Variants in ZNF423 observed in about 807,000 individuals in gnomAD.
ZNF423 encodes the protein zinc finger protein 423.
A neutral mutation model predicts 95.8 loss-of-function variants in ZNF423; 12 were observed. That is an observed-to-expected ratio of 0.13 (90% CI 0.08 to 0.20). The LOEUF (loss-of-function observed/expected upper bound fraction) is 0.20. Ranked by LOEUF, ZNF423 falls within the 10% of genes least tolerant of loss-of-function variation. ZNF423 has a pLI of 1.00. For synonymous variants in ZNF423, 749 were observed against 711.9 expected (o/e 1.05, Z -0.83); for missense variants, 1,316 against 1,737.1 (o/e 0.76, Z 4.31).
intron 5 of ZNF423, among the ~76,000 whole-genome samples, chr16:49,558,418 C>T (rs1016772660): frequency 1.3e-5 from 2 of 152,166 alleles, no homozygotes; most frequent in African/African-American, 4.8e-5. Flanking sequence ...GTGAGTTGCC[C>T]TGGCAAAGAT....
chr16:49,760,117 G>GTGGGTGGATGAA (rs1214342017), intron 2 of ZNF423, among the ~76,000 whole-genome samples: 9 of 129,200 alleles, frequency 7.0e-5, no homozygotes, highest in Non-Finnish European at 9.8e-5. Context: ...GGATGGATGC[G>GTGGGTGGATGAA]TGGGTGGATG....
chr16:49,638,990 G>A lies in ZNF423; in HGVS notation c.302-116C>T. On this transcript the variant is annotated intron_variant, in intron 3 of 7. Coordinates refer to ENST00000563137, the MANE Select transcript of ZNF423 (RefSeq NM_001379286.1). The surrounding 1 kb of genome is among the most constrained non-coding windows in gnomAD (Gnocchi z 5.6). ...GAGGCTGTGCAGCTGGCCAACGGCT[G>A]CAGGGGGCTGTGGGGAGGGGCAGGG... 1.4e-6 allele frequency: 2 copies of A among 1,448,114 alleles called. No individual in the cohort carries two copies. Among genetic ancestry groups the A allele is most frequent in the Non-Finnish European group, 1.8e-6 (2 of 1,104,006 alleles). The allele number at this position is 1,448,114 out of a possible 1,614,324, so 89.7% of individuals were successfully genotyped here.
At chr16:49,529,101 G>A (rs1030004856) in intron 5 of ZNF423, among the ~76,000 whole-genome samples, 3 of 150,970 alleles carry the variant, frequency 2.0e-5, no homozygotes, top group Non-Finnish European at 2.9e-5. Context: ...GAGTTAAGAC[G>A]CACAATTGCT....
At chr16:49,705,063 A>G (rs1596886839) in intron 3 of ZNF423, among the ~76,000 whole-genome samples, 1 of 152,350 alleles carries the variant, frequency 6.6e-6, no homozygotes, top group South Asian at 2.1e-4. Flanking sequence ...GTTAAATGAC[A>G]GCACGGTGGG....
chr16:49,828,780 C>A (rs757076864), intron 1 of ZNF423, among the ~76,000 whole-genome samples: 13 of 152,250 alleles, frequency 8.5e-5, no homozygotes, highest in Non-Finnish European at 1.8e-4. Flanking sequence ...GAAAGGCCAT[C>A]ATCTGTCCCA....
rs533579240 is a variant in ZNF423, at chr16:49,737,661, A to T, written c.101-6690T>A. Among the ~76,000 whole-genome samples the T allele has an allele frequency of 1.7e-4, 26 of 152,312 alleles. 1 individual carries two copies. The East Asian group carries it at 5.0e-3, about 29-fold the overall frequency. ...TGGGTCCACTGCCAGGAAAAGGGGAACGGGGAGAGGCCCCAGGGGACCAGA... is the reference window on the plus strand; with the variant it reads ...TGGGTCCACTGCCAGGAAAAGGGGATCGGGGAGAGGCCCCAGGGGACCAGA... On this transcript the variant is annotated intron_variant, in intron 2 of 7. Coordinates refer to ENST00000563137, the MANE Select transcript of ZNF423 (RefSeq NM_001379286.1).
chr16:49,783,264 G>T (rs1321704810), intron 2 of ZNF423, among the ~76,000 whole-genome samples: 9 of 149,252 alleles, frequency 6.0e-5, no homozygotes, highest in African/African-American at 2.2e-4. Context: ...GGTGGGAGAG[G>T]GGGTGATTAG....
At chr16:49,724,147 G>T (rs780510794) in intron 3 of ZNF423, among the ~76,000 whole-genome samples, 4 of 152,140 alleles carry the variant, frequency 2.6e-5, no homozygotes, top group African/African-American at 4.8e-5. Flanking sequence ...TAAGAGTAAG[G>T]TCTCTTCTGT....
chr16:49,827,869 G>A (rs962041334), intron 1 of ZNF423, among the ~76,000 whole-genome samples: 2 of 151,966 alleles, frequency 1.3e-5, no homozygotes, highest in Admixed American at 6.6e-5. Flanking sequence ...CCTAACCCTG[G>A]GATTATAGGC....
chr16:49,562,931 G>A (rs1030156253), intron 5 of ZNF423, among the ~76,000 whole-genome samples: 12 of 152,050 alleles, frequency 7.9e-5, no homozygotes, highest in African/African-American at 2.7e-4. Flanking sequence ...GGCACGAAAC[G>A]AGCCACCAAG....
At chr16:49,826,401 G>A (rs1393618911) in intron 1 of ZNF423, among the ~76,000 whole-genome samples, 1 of 152,146 alleles carries the variant, frequency 6.6e-6, no homozygotes, top group Non-Finnish European at 1.5e-5. Flanking sequence ...TACCCAAAAT[G>A]CAGTTAAGGG....
intron 6 of ZNF423, among the ~76,000 whole-genome samples, chr16:49,524,510 C>A (rs1968525929): frequency 6.6e-6 from 1 of 152,018 alleles, no homozygotes; most frequent in African/African-American, 2.4e-5. Flanking sequence ...CTCTGGGGAG[C>A]CCCAGGGGTG....
chr16:49,528,271 C>T (rs148304587), intron 5 of ZNF423, among the ~76,000 whole-genome samples: 10 of 152,230 alleles, frequency 6.6e-5, no homozygotes, highest in East Asian at 1.9e-4. Flanking sequence ...CTCCGAGTGC[C>T]GAGCAATTCA....
At chr16:49,732,757 C>G (rs2033198303) in intron 2 of ZNF423, among the ~76,000 whole-genome samples, 1 of 152,236 alleles carries the variant, frequency 6.6e-6, no homozygotes, top group Non-Finnish European at 1.5e-5. Context: ...TATAAGGGCT[C>G]TATTTCTCCT....
intron 7 of ZNF423, among the ~76,000 whole-genome samples, chr16:49,514,733 C>T (rs1330102913): frequency 1.3e-5 from 2 of 152,256 alleles, no homozygotes; most frequent in Non-Finnish European, 2.9e-5. Context: ...TGCGCCCGCT[C>T]AACGCTGGGC....
intron 7 of ZNF423, among the ~76,000 whole-genome samples, chr16:49,509,426 A>C (rs774703576): frequency 1.2e-4 from 18 of 152,174 alleles, no homozygotes; most frequent in Non-Finnish European, 2.2e-4. Flanking sequence ...TTATTGACAC[A>C]GCAAAATTAA....
At chr16:49,672,103 TG>T (rs1311258753) in intron 3 of ZNF423, among the ~76,000 whole-genome samples, 2 of 152,198 alleles carry the variant, frequency 1.3e-5, no homozygotes, top group Admixed American at 6.5e-5. Context: ...GCTGCAAATT[TG>T]GGAACACTCC....
chr16:49,642,523 A>T (rs1282020336), intron 3 of ZNF423, among the ~76,000 whole-genome samples: 1 of 152,236 alleles, frequency 6.6e-6, no homozygotes, highest in African/African-American at 2.4e-5. Flanking sequence ...GATTATAATC[A>T]TCTGAATTGA....
intron 5 of ZNF423, among the ~76,000 whole-genome samples, chr16:49,624,699 G>C (rs967068235): frequency 3.3e-5 from 5 of 152,222 alleles, no homozygotes; most frequent in African/African-American, 1.2e-4. Context: ...TGAGAGGCAT[G>C]ATCTCTAACT....
Sources: allele counts gnomAD v4.1 joint callset (sites outside exome capture counted in the v4.1 genomes callset), GRCh38; gene constraint gnomAD v4.1.1; non-coding constraint Gnocchi (gnomAD v3.1); transcripts MANE v1.5; gene names NCBI Gene and HGNC (gene_info 2026-07-23, HGNC 2026-07-21).